The following DAW1 variants were observed in gnomAD, a reference collection of about 807,000 sequenced individuals.
DAW1 encodes dynein assembly factor with WD repeat domains 1.
In DAW1, 47 loss-of-function variants were observed where a neutral mutation model predicts 56.5. The ratio of observed to expected loss-of-function variants is 0.83; its 90% CI spans 0.66 to 1.06. The LOEUF (loss-of-function observed/expected upper bound fraction) is 1.06. DAW1 is among the 50% of genes least tolerant of loss of function. DAW1 has a pLI of 0.00. For missense variants in DAW1, 505 were observed against 499.3 expected (o/e 1.01, Z -0.11); for synonymous variants, 190 against 179.0 (o/e 1.06, Z -0.49).
intron 11 of DAW1, among the ~76,000 whole-genome samples, chr2:227,919,951 T>C (rs1047405638): frequency 3.9e-5 from 6 of 152,196 alleles, no homozygotes; most frequent in African/African-American, 1.4e-4. Flanking sequence ...CATTGCCCTC[T>C]GGCTGGTCAG....
At chr2:227,911,260 G>GGA in intron 10 of DAW1, among the ~76,000 whole-genome samples, 1 of 128,044 alleles carries the variant, frequency 7.8e-6, no homozygotes, top group Non-Finnish European at 1.7e-5. Context: ...ATATACACGT[G>GGA]TATATACACA....
At chr2:227,906,024 G>T (rs1229350556) in intron 8 of DAW1, among the ~76,000 whole-genome samples, 1 of 152,126 alleles carries the variant, frequency 6.6e-6, no homozygotes, top group East Asian at 1.9e-4. Context: ...CAGAGTGCTG[G>T]GGTTACAAGC....
At chr2:227,872,199 G>A (rs1442921896) in intron 1 of DAW1, 1 of 148,094 alleles carries the variant, frequency 6.8e-6, no homozygotes, top group African/African-American at 2.5e-5. Context: ...TGATCACCCA[G>A]CTTCTTAGGG....
chr2:227,921,331 T>TTA, intron 11 of DAW1, 68 bp from the exon 12 acceptor site: 3 of 295,574 alleles, frequency 1.0e-5, no homozygotes, highest in East Asian at 8.0e-5. Context: ...TTTTTTTTTT[T>TTA]TTGCTGATAA....
intron 1 of DAW1, among the ~76,000 whole-genome samples, chr2:227,878,259 ACCC>A (rs1690931024): frequency 1.3e-5 from 2 of 152,208 alleles, no homozygotes; most frequent in African/African-American, 4.8e-5. Context: ...CATAGTAAAT[ACCC>A]TCATATATAA....
chr2:227,907,171 A>G lies in DAW1; in HGVS notation c.892A>G (p.Thr298Ala). 3.7e-6 allele frequency: 6 copies of G among 1,613,318 alleles called. No individual in the cohort carries two copies. The highest frequency in any genetic ancestry group is 5.1e-6 in the Non-Finnish European group (6 of 1,179,742). The change falls in exon 10 of 13, where the codon ACC (threonine) becomes GCC (alanine). Residue 298 changes from threonine (T) to alanine (A), a missense_variant. Thr to Ala is a moderately conservative substitution (Grantham distance 58). Transcript: ENST00000309931. ...WDATNGKCVA[T>A]LTGHDDEILD... ...TGCTACAAATGGAAAATGTGTGGCAACCTTAACAGGCCATGATGATGAAAT... is the reference window on the plus strand; with the variant it reads ...TGCTACAAATGGAAAATGTGTGGCAGCCTTAACAGGCCATGATGATGAAAT...
intron 10 of DAW1, among the ~76,000 whole-genome samples, chr2:227,913,516 A>G (rs1691878071): frequency 6.6e-6 from 1 of 152,148 alleles, no homozygotes; most frequent in Non-Finnish European, 1.5e-5. Context: ...ATGCCATAAT[A>G]TAGGTTATTT....
chr2:227,879,832 A>G (rs1416511724), intron 1 of DAW1, among the ~76,000 whole-genome samples: 1 of 152,128 alleles, frequency 6.6e-6, no homozygotes, highest in Non-Finnish European at 1.5e-5. Flanking sequence ...TGAACAATAC[A>G]TTCTTTCTCT....
chr2:227,881,161 G>C (rs1691000487), intron 1 of DAW1, among the ~76,000 whole-genome samples: 1 of 152,250 alleles, frequency 6.6e-6, no homozygotes. Flanking sequence ...GCCACGTGCT[G>C]TAAGGACAGA....
At chr2:227,898,101 A>T in intron 5 of DAW1, 81 bp from the exon 6 acceptor site, 1 of 832,960 alleles carries the variant, frequency 1.2e-6, no homozygotes, top group Non-Finnish European at 1.7e-6. Context: ...TTTTTTACTC[A>T]TGTATTAATA....
chr2:227,879,884 A>C (rs1193321806), intron 1 of DAW1, among the ~76,000 whole-genome samples: 1 of 152,110 alleles, frequency 6.6e-6, no homozygotes, highest in Non-Finnish European at 1.5e-5. Context: ...TTAAATGTTG[A>C]TGCATAGATG....
At chr2:227,875,588 T>C (rs993559051) in intron 1 of DAW1, among the ~76,000 whole-genome samples, 1 of 152,182 alleles carries the variant, frequency 6.6e-6, no homozygotes, top group Admixed American at 6.5e-5. Flanking sequence ...CCCATGGACA[T>C]TTGTATCACT....
chr2:227,894,270 G>A (rs1353989809), intron 5 of DAW1, among the ~76,000 whole-genome samples: 2 of 152,216 alleles, frequency 1.3e-5, no homozygotes, highest in African/African-American at 4.8e-5. Flanking sequence ...GCTAATGTAT[G>A]TAATGTATGG....
At chr2:227,890,106 GTGAT>G (rs1285566849) in intron 3 of DAW1, 106 bp downstream of exon 3, 27 of 1,187,846 alleles carry the variant, frequency 2.3e-5, no homozygotes, top group Non-Finnish European at 2.3e-6. Context: ...AGGCATGTCA[GTGAT>G]TGATTGTAGT....
chr2:227,905,510 A>G lies in DAW1; in HGVS notation c.755+475A>G, dbSNP rs372072028. ...TACTCTTGGATTTGTCTGTGATTTAATAGAGGGGCTAATTATCAGGGGTGC... is the reference window on the plus strand; with the variant it reads ...TACTCTTGGATTTGTCTGTGATTTAGTAGAGGGGCTAATTATCAGGGGTGC... On this transcript the variant is annotated intron_variant, in intron 8 of 12. Coordinates refer to ENST00000309931, the MANE Select transcript of DAW1 (RefSeq NM_178821.3). 1.8e-3 allele frequency among the ~76,000 whole-genome samples: 278 copies of G among 152,304 alleles called. 1 individual carries two copies. The highest frequency in any genetic ancestry group is 5.6e-3 in the African/African-American group (233 of 41,570).
rs188059113 is a variant in DAW1, at chr2:227,881,698, G to A, written c.41-3653G>A. On this transcript the variant is annotated intron_variant, in intron 1 of 12. Coordinates refer to ENST00000309931, the MANE Select transcript of DAW1 (RefSeq NM_178821.3). ...GATCGTGACATAAATAAGGGGTTGA[G>A]GATCTATCTGATGCCAAGTATACAC... Among the ~76,000 whole-genome samples, 613 of 150,214 alleles carry A rather than the reference G, an allele frequency of 4.1e-3. 6 individuals carry two copies. Among genetic ancestry groups the A allele is most frequent in the African/African-American group, 0.014 (572 of 40,998 alleles).
At chr2:227,912,036 A>C (rs984482200) in intron 10 of DAW1, among the ~76,000 whole-genome samples, 1 of 151,832 alleles carries the variant, frequency 6.6e-6, no homozygotes, top group Non-Finnish European at 1.5e-5. Context: ...CATGACAACA[A>C]TATTTGGCTC....
Position 227,921,383 on chromosome 2 carries a change from T to C in DAW1, c.1051-16T>C. The C allele has an allele frequency of 6.2e-7, 1 of 1,604,668 alleles. No homozygotes were observed. ...CATTACACAAAGCTGTGATCATTTT[T>C]CTTTCTCTTTTGCAGATTTCTTTCA... On this transcript the variant is annotated splice_polypyrimidine_tract_variant and intron_variant, in intron 11 of 12. Coordinates refer to ENST00000309931, the MANE Select transcript of DAW1 (RefSeq NM_178821.3).
chr2:227,901,950 T>G (rs1419154430), intron 6 of DAW1, among the ~76,000 whole-genome samples: 1 of 152,080 alleles, frequency 6.6e-6, no homozygotes, highest in Non-Finnish European at 1.5e-5. Flanking sequence ...GAAGGATGCC[T>G]CTACATCCGA....
Sources: gnomAD v4.1 joint callset for allele counts (sites outside exome capture counted in the v4.1 genomes callset) on GRCh38, gnomAD v4.1.1 for gene constraint, MANE v1.5 for transcripts, NCBI Gene and HGNC (gene_info 2026-07-23, HGNC 2026-07-21) for gene names.